JADE2: variants seen among roughly 807,000 people sequenced by gnomAD.
The protein encoded by JADE2 is jade family PHD finger 2, also known as E3 ubiquitin-protein ligase Jade-2.
In JADE2, 13 loss-of-function variants were observed where a neutral mutation model predicts 85.7. The ratio of observed to expected loss-of-function variants is 0.15; its 90% CI spans 0.10 to 0.24. The LOEUF (loss-of-function observed/expected upper bound fraction) is 0.24. Among genes scored for constraint, JADE2 ranks in the 10% least tolerant of loss-of-function variants. The pLI, the probability that JADE2 is intolerant of heterozygous loss-of-function variation, is 1.00. For missense variants in JADE2, 846 were observed against 1,115.9 expected (o/e 0.76, Z 3.45); for synonymous variants, 440 against 456.1 (o/e 0.96, Z 0.45).
At chr5:134,526,552 C>T (rs532688530) in intron 1 of JADE2, 8 of 985,352 alleles carry the variant, frequency 8.1e-6, no homozygotes, top group Non-Finnish European at 9.6e-6. Context: ...CGGGCTGAGC[C>T]GGTGCACATG....
At chr5:134,559,542 T>C (rs1763195103) in intron 4 of JADE2, among the ~76,000 whole-genome samples, 2 of 152,210 alleles carry the variant, frequency 1.3e-5, no homozygotes, top group South Asian at 2.1e-4. Context: ...TGGATGTTTA[T>C]AGGGTAAGCA....
chr5:134,570,353 C>T (rs186766060), intron 9 of JADE2, among the ~76,000 whole-genome samples: 51 of 152,222 alleles, frequency 3.4e-4, no homozygotes, highest in African/African-American at 1.2e-3. Flanking sequence ...TCTTTTCCAG[C>T]CCACACCTGC....
At chr5:134,556,079 C>G (rs1472029369) in intron 4 of JADE2, among the ~76,000 whole-genome samples, 5 of 152,186 alleles carry the variant, frequency 3.3e-5, no homozygotes, top group Non-Finnish European at 7.4e-5. Flanking sequence ...CCCAGGAGCC[C>G]TCGCCACAGC....
intron 10 of JADE2, 42 bp downstream of exon 10, chr5:134,573,804 C>G: frequency 8.1e-7 from 1 of 1,229,014 alleles, no homozygotes; most frequent in Non-Finnish European, 1.2e-6. Context: ...TCCCTGTGCC[C>G]TCTCTTGCGG....
intron 1 of JADE2, among the ~76,000 whole-genome samples, chr5:134,529,877 C>T (rs1308071462): frequency 6.6e-6 from 1 of 152,228 alleles, no homozygotes; most frequent in Non-Finnish European, 1.5e-5. Context: ...CCACCATCCC[C>T]TTGGTACGTC....
rs1328091284 is a variant in JADE2 at position 134,580,293 on chromosome 5, C to CT, written c.*980dup. ...CAAGATGAGCTTCTTCCGTGGTTTC[C>CT]TTTTGGAAACTCCTCCTTCCAACAA... On this transcript the variant is annotated 3_prime_UTR_variant, in exon 12 of 12. Transcript: ENST00000681547. The CT allele has an allele frequency of 6.5e-6, 1 of 152,774 alleles. No individual in the cohort carries two copies. The highest frequency in any genetic ancestry group is 2.4e-5 in the African/African-American group (1 of 41,446). The allele number at this position is 152,774 out of a possible 1,614,324, so 9.5% of individuals were successfully genotyped here.
Position 134,566,541 on chromosome 5 carries a change from C to T in JADE2, c.1395C>T (p.Arg465=). 4 of 1,582,960 alleles carry T rather than the reference C, an allele frequency of 2.5e-6. No individual in the cohort carries two copies. The highest frequency in any genetic ancestry group is 8.6e-7 in the Non-Finnish European group (1 of 1,164,254). ...AGGAGCAGGACGTCCTCTACCGCCG[C>T]CTGAAGCTCTTCACCCATCTGCGGC... The part of the protein sequence containing the change: ...AQQEQDVLYR[R]LKLFTHLRQD... Residue 465 remains arginine, a synonymous_variant, in exon 9 of 12, where the codon CGC becomes CGT. Transcript: ENST00000681547. The surrounding 1 kb of genome is among the most constrained non-coding windows in gnomAD (Gnocchi z 6.7).
upstream of JADE2, among the ~76,000 whole-genome samples, chr5:134,525,083 TC>T (rs1324482195): frequency 6.6e-6 from 1 of 151,906 alleles, no homozygotes; most frequent in Non-Finnish European, 1.5e-5. Context: ...CAAAGAAACG[TC>T]TTTTTGACGC....
chr5:134,575,706 C>G (rs1302328051), intron 10 of JADE2: 2 of 141,768 alleles, frequency 1.4e-5, no homozygotes, highest in Non-Finnish European at 3.0e-5. Context: ...CCAGGAGTTC[C>G]AGACCAGCCT....
chr5:134,540,374 A>T (rs978632662), intron 3 of JADE2, among the ~76,000 whole-genome samples: 2 of 149,810 alleles, frequency 1.3e-5, no homozygotes, highest in African/African-American at 4.9e-5. Context: ...GCACACCACT[A>T]TGCCTGGCTA....
chr5:134,568,907 C>T (rs12519940), intron 9 of JADE2, among the ~76,000 whole-genome samples: 43,261 of 152,136 alleles, frequency 0.28, 6,316 homozygotes, highest in Middle Eastern at 0.36. Context: ...TGCCAGCAGC[C>T]GGGAGTATCC....
At position 134,573,774 on chromosome 5, in the gene JADE2, C is replaced by G. The variant is rs746510197; in HGVS notation, c.1552+12C>G. The G allele has an allele frequency of 9.5e-6, 14 of 1,477,156 alleles. No individual in the cohort carries two copies. The highest frequency in any genetic ancestry group is 1.2e-5 in the Non-Finnish European group (13 of 1,054,754). 91.5% of individuals were successfully genotyped at this position (1,477,156 alleles called of 1,614,324 possible). The stretch of plus-strand genomic sequence containing the variant: ...GGATCTGTGTCGAGGTAGGCGCCTT[C>G]CCCACCTGCCGCCGCCACCTCCCTG... On this transcript the variant is annotated intron_variant, in intron 10 of 11. Coordinates refer to ENST00000681547, the MANE Select transcript of JADE2 (RefSeq NM_001388185.1).
At chr5:134,552,319 T>G in intron 4 of JADE2, 110 bp downstream of exon 4, 1 of 915,108 alleles carries the variant, frequency 1.1e-6, no homozygotes, top group Non-Finnish European at 1.6e-6. Context: ...AGTCCATCTC[T>G]ATTCTGTATT....
At chr5:134,534,818 C>G (rs903872610) in intron 1 of JADE2, among the ~76,000 whole-genome samples, 1 of 152,240 alleles carries the variant, frequency 6.6e-6, no homozygotes, top group Non-Finnish European at 1.5e-5. Context: ...GACTCAGCCA[C>G]AGGCGAGCTG....
At chr5:134,526,438 G>A in intron 1 of JADE2, 1 of 985,216 alleles carries the variant, frequency 1.0e-6, no homozygotes, top group Non-Finnish European at 1.2e-6. Context: ...GTACGGTGGG[G>A]AGGTCGAGCG....
At chr5:134,529,420 CT>C (rs966641802) in intron 1 of JADE2, among the ~76,000 whole-genome samples, 1 of 152,234 alleles carries the variant, frequency 6.6e-6, no homozygotes, top group Non-Finnish European at 1.5e-5. Flanking sequence ...TGGGGTACAC[CT>C]TCTGGAGTCA....
rs528436861 is a variant in JADE2, at chr5:134,537,983, C to T, written c.59-6C>T. 1.1e-5 allele frequency: 18 copies of T among 1,612,858 alleles called. No homozygotes were observed. The East Asian group carries it at 3.3e-4, about 30-fold the overall frequency. ...GGACCCCTAATGGACTGTTCTCTCT[C>T]TGCAGGTCATGCGACATCTACATCC... On this transcript the variant is annotated splice_region_variant and splice_polypyrimidine_tract_variant and intron_variant, in intron 2 of 11. Coordinates refer to ENST00000681547, the MANE Select transcript of JADE2 (RefSeq NM_001388185.1).
chr5:134,576,027 C>T (rs1349878598), intron 10 of JADE2, among the ~76,000 whole-genome samples: 3 of 152,062 alleles, frequency 2.0e-5, no homozygotes, highest in Non-Finnish European at 4.4e-5. Flanking sequence ...ATAGCAAGAC[C>T]CTGTCTCTAC....
At chr5:134,570,719 T>C (rs1009356288) in intron 9 of JADE2, among the ~76,000 whole-genome samples, 1 of 152,130 alleles carries the variant, frequency 6.6e-6, no homozygotes, top group African/African-American at 2.4e-5. Context: ...AGGTCCCCCC[T>C]GAGGTCCTGG....
Sources: gnomAD v4.1 joint callset for allele counts (sites outside exome capture counted in the v4.1 genomes callset) on GRCh38, gnomAD v4.1.1 for gene constraint, Gnocchi (gnomAD v3.1) non-coding constraint, MANE v1.5 for transcripts, NCBI Gene and HGNC (gene_info 2026-07-23, HGNC 2026-07-21) for gene names.